The following ATXN10 variants were observed in gnomAD, a reference collection of about 807,000 sequenced individuals.
ATXN10 encodes the protein ataxin-10.
A neutral mutation model predicts 52.9 loss-of-function variants in ATXN10; 28 were observed. The ratio of observed to expected loss-of-function variants is 0.53; its 90% CI spans 0.39 to 0.73. The LOEUF (loss-of-function observed/expected upper bound fraction) is 0.73, where lower values mean the gene tolerates loss of function less well. Ranked by LOEUF, ATXN10 falls within the 30% of genes least tolerant of loss-of-function variation. The pLI is 0.00. For missense variants in ATXN10, 565 were observed against 577.0 expected (o/e 0.98, Z 0.21); for synonymous variants, 226 against 221.5 (o/e 1.02, Z -0.18).
At chr22:45,806,401 T>G (rs1037613617) in intron 9 of ATXN10, among the ~76,000 whole-genome samples, 3 of 152,234 alleles carry the variant, frequency 2.0e-5, no homozygotes, top group African/African-American at 4.8e-5. Context: ...GTTGGTGGTG[T>G]TTAAATTTTT....
intron 9 of ATXN10, among the ~76,000 whole-genome samples, chr22:45,803,082 A>G (rs1037010503): frequency 6.6e-6 from 1 of 152,186 alleles, no homozygotes; most frequent in South Asian, 2.1e-4. Context: ...TATCACTCCC[A>G]GTGCTCTTTA....
chr22:45,793,470 C>A, intron 9 of ATXN10: 2 of 852,282 alleles, frequency 2.3e-6, no homozygotes, highest in Non-Finnish European at 3.1e-6. Context: ...AGGTCTTATT[C>A]CATTTAATAA....
At position 45,824,990 on chromosome 22, in the gene ATXN10, T is replaced by C. The variant is rs1185964140; in HGVS notation, c.1237+17968T>C. 6.6e-6 allele frequency among the ~76,000 whole-genome samples: 1 copy of C among 152,210 alleles called. No individual in the cohort carries two copies. Among genetic ancestry groups the C allele is most frequent in the East Asian group, 1.9e-4 (1 of 5,194 alleles). On this transcript the variant is annotated intron_variant, in intron 10 of 11. Transcript: ENST00000252934. This position sits in a 1 kb window ranked among gnomAD's most constrained non-coding sequence, Gnocchi z 5.2. ...CCACAAGAAGGCTTGAATGGTAAAG[T>C]GGAGTTAACTTCTGTCAATTTCAGC... is the stretch of plus-strand genomic sequence containing the variant.
chr22:45,709,250 C>G (rs535118501), intron 5 of ATXN10, among the ~76,000 whole-genome samples: 54 of 152,300 alleles, frequency 3.5e-4, no homozygotes, highest in South Asian at 1.0e-3. Context: ...AGACTGTGAG[C>G]TCCCTGTAAG....
intron 1 of ATXN10, among the ~76,000 whole-genome samples, chr22:45,686,796 G>A (rs1422566786): frequency 1.4e-5 from 2 of 147,454 alleles, no homozygotes; most frequent in Non-Finnish European, 1.5e-5. Flanking sequence ...TCCAGCCTGG[G>A]CAACAGAGCA....
chr22:45,771,627 G>A (rs71313018), intron 9 of ATXN10, among the ~76,000 whole-genome samples: 4,891 of 152,058 alleles, frequency 0.032, 128 homozygotes, highest in Middle Eastern at 0.048. Flanking sequence ...ATGTTGGCCC[G>A]GCTGGTCTCG....
At position 45,711,286 on chromosome 22, in the gene ATXN10, A is replaced by G. The variant is rs149109423; in HGVS notation, c.648-7127A>G. On this transcript the variant is annotated intron_variant, in intron 5 of 11. Coordinates refer to ENST00000252934, the MANE Select transcript of ATXN10 (RefSeq NM_013236.4). ...GCCAATGAATCCCCAAAGGTTAAAT[A>G]ATGTATCATTCCATTTACATGACAT... 2.6e-5 allele frequency among the ~76,000 whole-genome samples: 4 copies of G among 152,288 alleles called. No homozygotes were observed. In the East Asian group the frequency reaches 7.7e-4, roughly 29 times the overall value.
chr22:45,689,556 G>T, intron 1 of ATXN10, 156 bp from the exon 2 acceptor site: 1 of 664,330 alleles, frequency 1.5e-6, no homozygotes, highest in Non-Finnish European at 2.7e-6. Flanking sequence ...TGCTCAATAT[G>T]TGTAGATCTT....
At chr22:45,672,289 G>A (rs1922486789) in intron 1 of ATXN10, 110 bp downstream of exon 1, 2 of 1,154,846 alleles carry the variant, frequency 1.7e-6, no homozygotes, top group East Asian at 4.0e-5. Flanking sequence ...GAGACGCGGA[G>A]GGCGAGGCCT....
chr22:45,689,618 C>T, intron 1 of ATXN10, 94 bp from the exon 2 acceptor site: 2 of 1,090,980 alleles, frequency 1.8e-6, no homozygotes, highest in South Asian at 1.3e-5. Context: ...TAGCGTACCT[C>T]CCCACAATAG....
Position 45,690,981 on chromosome 22 carries a change from G to T in ATXN10, c.308+1078G>T, listed in dbSNP as rs1923350441. Among the ~76,000 whole-genome samples the T allele has an allele frequency of 6.6e-6, 1 of 152,166 alleles. No homozygotes were observed. The highest frequency in any genetic ancestry group is 2.1e-4 in the South Asian group (1 of 4,826). The stretch of plus-strand genomic sequence containing the variant: ...GGGCTGGTCCAGAAGCCACTTGAGG[G>T]ACTCCCTTCGGTTAGACACATATAC... On this transcript the variant is annotated intron_variant, in intron 2 of 11. Coordinates refer to ENST00000252934, the MANE Select transcript of ATXN10 (RefSeq NM_013236.4). This position sits in a 1 kb window ranked among gnomAD's most constrained non-coding sequence, Gnocchi z 4.5.
intron 1 of ATXN10, among the ~76,000 whole-genome samples, chr22:45,687,207 T>C (rs903123479): frequency 2.0e-5 from 3 of 152,232 alleles, no homozygotes; most frequent in African/African-American, 7.2e-5. Context: ...TTGGGAATTA[T>C]TCACAACATA....
intron 9 of ATXN10, among the ~76,000 whole-genome samples, chr22:45,804,026 G>C (rs942672137): frequency 6.6e-6 from 1 of 152,096 alleles, no homozygotes; most frequent in Non-Finnish European, 1.5e-5. Context: ...ATAGGATATA[G>C]TATAAAATGA....
At position 45,807,013 on chromosome 22, in the gene ATXN10, A is replaced by G. The variant is rs369466993; in HGVS notation, c.1228A>G (p.Ser410Gly). The G allele has an allele frequency of 4.8e-5, 77 of 1,613,772 alleles. No homozygotes were observed. The highest frequency in any genetic ancestry group is 6.2e-5 in the Non-Finnish European group (73 of 1,179,744). ...LILDNCNISD[S>G]NPFLTQWVIY... ...CCTGGACAACTGCAACATCAGTGAC[A>G]GTAACCCCTGTATCCTTGCATGTGA... Residue 410 changes from serine to glycine, a missense_variant, in exon 10 of 12, where the codon AGT (serine) becomes GGT (glycine). Coordinates refer to ENST00000252934, the MANE Select transcript of ATXN10 (RefSeq NM_013236.4).
Position 45,702,724 on chromosome 22 carries a change from CCTA to C in ATXN10, c.527_529del (p.Tyr176del). The stretch of plus-strand genomic sequence containing the variant: ...AATCATCCGGACAAAAAAATTGTTG[CCTA>C]CTCTTCAATGATTTTGTTTACATCC... On this transcript the variant is annotated inframe_deletion, in exon 5 of 12. Transcript: ENST00000252934. 6.2e-7 allele frequency: 1 copy of C among 1,613,888 alleles called. No homozygotes were observed. The highest frequency in any genetic ancestry group is 8.5e-7 in the Non-Finnish European group (1 of 1,179,916).
chr22:45,831,840 A>T (rs1929002759), intron 10 of ATXN10, among the ~76,000 whole-genome samples: 1 of 152,220 alleles, frequency 6.6e-6, no homozygotes, highest in African/African-American at 2.4e-5. Context: ...TGCCTGATAG[A>T]GGAGCGTGGT....
intron 5 of ATXN10, among the ~76,000 whole-genome samples, chr22:45,704,382 A>G (rs936550946): frequency 6.6e-6 from 1 of 151,480 alleles, no homozygotes; most frequent in Non-Finnish European, 1.5e-5. Flanking sequence ...GAATATTGCC[A>G]TCTTACCTAG....
At chr22:45,673,833 A>T (rs1922573200) in intron 1 of ATXN10, 1 of 152,178 alleles carries the variant, frequency 6.6e-6, no homozygotes, top group Non-Finnish European at 1.5e-5. Context: ...AAGGGGCCAT[A>T]TGTTAATTTT....
In ATXN10 at chr22:45,843,561, GTTAT is replaced by G; in HGVS notation, c.1426-105_1426-102del. On this transcript the variant is annotated intron_variant, in intron 11 of 11. Coordinates refer to ENST00000252934, the MANE Select transcript of ATXN10 (RefSeq NM_013236.4). The surrounding 1 kb of genome is among the most constrained non-coding windows in gnomAD (Gnocchi z 4.5). ...CATGAATTGTTTTAGGTTTCTCTAA[GTTAT>G]TTGTCACCACTGACCAAAGTTCTGG... 4 of 1,005,602 alleles carry G rather than the reference GTTAT, an allele frequency of 4.0e-6. No individual in the cohort carries two copies. Among genetic ancestry groups the G allele is most frequent in the African/African-American group, 1.6e-5 (1 of 63,206 alleles). 62.3% of individuals were successfully genotyped at this position (1,005,602 alleles called of 1,614,324 possible). A position where few individuals can be genotyped will look rare whatever the true frequency, so the allele number is the denominator to read the frequency against.
Sources: allele counts gnomAD v4.1 joint callset (sites outside exome capture counted in the v4.1 genomes callset), GRCh38; gene constraint gnomAD v4.1.1; non-coding constraint Gnocchi (gnomAD v3.1); transcripts MANE v1.5; gene names NCBI Gene and HGNC (gene_info 2026-07-23, HGNC 2026-07-21).